MYH14: variants seen among roughly 807,000 people sequenced by gnomAD.
MYH14 encodes myosin-14.
A neutral mutation model predicts 255.5 loss-of-function variants in MYH14; 123 were observed. The ratio of observed to expected loss-of-function variants is 0.48; its 90% confidence interval spans 0.42 to 0.56. The LOEUF (loss-of-function observed/expected upper bound fraction) is 0.56, where lower values mean the gene tolerates loss of function less well. MYH14 is among the 20% of genes least tolerant of loss of function. The probability of loss-of-function intolerance (pLI) is 0.00; values close to 1 mark genes in which losing one functional copy is unlikely to be tolerated. For synonymous variants in MYH14, 1,095 were observed against 1,161.2 expected (o/e 0.94, Z 1.16); for missense variants, 2,423 against 2,802.3 (o/e 0.86, Z 3.06).
At chr19:50,257,991 G>A (rs2034655297) in intron 18 of MYH14, among the ~76,000 whole-genome samples, 1 of 152,172 alleles carries the variant, frequency 6.6e-6, no homozygotes, top group Non-Finnish European at 1.5e-5. Flanking sequence ...GATAGAGGAA[G>A]GCCATCAGGG....
intron 2 of MYH14, among the ~76,000 whole-genome samples, chr19:50,215,513 C>T (rs1243260046): frequency 1.3e-5 from 2 of 152,178 alleles, no homozygotes; most frequent in East Asian, 3.9e-4. Context: ...GCTCAAGCTC[C>T]CTGGGAGCTT....
intron 1 of MYH14, among the ~76,000 whole-genome samples, chr19:50,205,060 ACT>A (rs1430053841): frequency 3.3e-5 from 5 of 151,984 alleles, no homozygotes; most frequent in African/African-American, 1.2e-4. Context: ...TGGTACTCTT[ACT>A]GTCTATAGAT....
chr19:50,210,230 C>T, intron 1 of MYH14, 133 bp from the exon 2 acceptor site: 1 of 750,992 alleles, frequency 1.3e-6, no homozygotes, highest in Non-Finnish European at 2.0e-6. Context: ...TCTGTTAACC[C>T]ACTTTGCAGA....
intron 2 of MYH14, among the ~76,000 whole-genome samples, chr19:50,211,074 A>T (rs1484188933): frequency 1.3e-5 from 2 of 152,194 alleles, no homozygotes; most frequent in South Asian, 2.1e-4. Flanking sequence ...ACGGAAACAG[A>T]TGTGTGACAA....
intron 39 of MYH14, among the ~76,000 whole-genome samples, chr19:50,294,722 G>A (rs1449432459): frequency 8.0e-6 from 1 of 124,450 alleles, no homozygotes; most frequent in African/African-American, 2.7e-5. Flanking sequence ...GGATGACAGA[G>A]TGAGACCCTG....
intron 11 of MYH14, 92 bp downstream of exon 11, chr19:50,244,429 C>A: frequency 2.2e-6 from 2 of 926,392 alleles, no homozygotes; most frequent in Non-Finnish European, 3.5e-6. Context: ...AGAGAGCATC[C>A]CCCTTCCAGC....
Position 50,260,733 on chromosome 19 carries a change from T to C in MYH14, c.2424+18T>C. 1.9e-6 allele frequency: 3 copies of C among 1,574,816 alleles called. No homozygotes were observed. Among genetic ancestry groups the C allele is most frequent in the African/African-American group, 1.5e-5 (1 of 66,904 alleles). ...AAAAGATGGTGAGTGGGGCAGAGCC[T>C]GGAATGCGTGTGTGCGTGTGTGTGT... On this transcript the variant is annotated intron_variant, in intron 20 of 42. Coordinates refer to ENST00000642316, the MANE Select transcript of MYH14 (RefSeq NM_001145809.2).
At chr19:50,269,705 G>C (rs545324142) in intron 24 of MYH14, among the ~76,000 whole-genome samples, 1 of 152,258 alleles carries the variant, frequency 6.6e-6, no homozygotes, top group East Asian at 1.9e-4. Flanking sequence ...GTGACCCCTG[G>C]GTGCCGTGGG....
intron 40 of MYH14, 52 bp from the exon 41 acceptor site, chr19:50,306,997 A>G (rs1262480742): frequency 7.3e-7 from 1 of 1,361,844 alleles, no homozygotes; most frequent in Non-Finnish European, 1.0e-6. Context: ...TATGGGGACA[A>G]AATCCTAGGT....
rs555652364 is a variant in MYH14 at position 50,221,151 on chromosome 19, A to G, written c.563-1932A>G. 3.3e-4 allele frequency among the ~76,000 whole-genome samples: 50 copies of G among 152,210 alleles called. No individual in the cohort carries two copies. The highest frequency in any genetic ancestry group is 1.1e-3 in the African/African-American group (47 of 41,530). ...CTCCCTGTATGTCACACTGTGTGTT[A>G]TATTTCCTCCTGTGCCGTGCACTGT... On this transcript the variant is annotated intron_variant, in intron 3 of 42. Transcript: ENST00000642316. This position sits in a 1 kb window ranked among gnomAD's most constrained non-coding sequence, Gnocchi z 5.3.
At chr19:50,269,872 G>A (rs1361698163) in intron 24 of MYH14, among the ~76,000 whole-genome samples, 1 of 152,150 alleles carries the variant, frequency 6.6e-6, no homozygotes, top group Non-Finnish European at 1.5e-5. Flanking sequence ...GGAGTAGGAG[G>A]ACTTCTGTTT....
intron 2 of MYH14, among the ~76,000 whole-genome samples, chr19:50,214,604 G>C (rs1451139379): frequency 6.6e-6 from 1 of 152,156 alleles, no homozygotes; most frequent in Non-Finnish European, 1.5e-5. Context: ...TGGAAACTGA[G>C]GTTTAGAGAG....
At chr19:50,249,329 C>T (rs2034263061) in intron 13 of MYH14, 190 bp downstream of exon 13, 1 of 718,806 alleles carries the variant, frequency 1.4e-6, no homozygotes, top group Non-Finnish European at 2.2e-6. Flanking sequence ...GGTCTCTGTC[C>T]CCTTCTCTCT....
intron 10 of MYH14, among the ~76,000 whole-genome samples, chr19:50,232,606 A>C (rs914389342): frequency 9.3e-5 from 14 of 151,324 alleles, no homozygotes; most frequent in East Asian, 5.8e-4. Flanking sequence ...AAAAAAAAAA[A>C]AAAAAAAAAA....
chr19:50,309,498 C>T (rs2036773359), intron 42 of MYH14, 142 bp from the exon 43 acceptor site: 1 of 661,242 alleles, frequency 1.5e-6, no homozygotes, highest in Non-Finnish European at 2.7e-6. Flanking sequence ...TTCTCTTGAT[C>T]TCATCCCTCT....
At chr19:50,272,999 G>A (rs1444624941) in intron 27 of MYH14, among the ~76,000 whole-genome samples, 1 of 152,132 alleles carries the variant, frequency 6.6e-6, no homozygotes, top group African/African-American at 2.4e-5. Context: ...ACAAGAAAAT[G>A]CTATTTCTAG....
rs142209105 is a variant in MYH14 at position 50,240,238 on chromosome 19, T to C, written c.1115-4004T>C. ...CGTTCCTGGAGCTGGATGTCTATAG[T>C]ATGTGTCCTTTTCTGTATGTGTGCT... On this transcript the variant is annotated intron_variant, in intron 10 of 42. Transcript: ENST00000642316. 7.9e-3 allele frequency among the ~76,000 whole-genome samples: 1,199 copies of C among 152,274 alleles called. 4 individuals carry two copies. The highest frequency in any genetic ancestry group is 0.013 in the Admixed American group (195 of 15,282).
At chr19:50,278,420 G>A in intron 30 of MYH14, 131 bp downstream of exon 30, 1 of 637,516 alleles carries the variant, frequency 1.6e-6, no homozygotes, top group Non-Finnish European at 2.5e-6. Context: ...TCATGTACAA[G>A]TCTGGGCACA....
intron 3 of MYH14, among the ~76,000 whole-genome samples, chr19:50,219,140 C>T (rs2060970343): frequency 7.0e-6 from 1 of 143,794 alleles, no homozygotes. Flanking sequence ...GTATACACAC[C>T]ATGGAATACA....
Sources: gnomAD v4.1 joint callset for allele counts (sites outside exome capture counted in the v4.1 genomes callset) on GRCh38, gnomAD v4.1.1 for gene constraint, Gnocchi (gnomAD v3.1) non-coding constraint, MANE v1.5 for transcripts, NCBI Gene and HGNC (gene_info 2026-07-23, HGNC 2026-07-21) for gene names.